The following ATP13A3 variants were observed in gnomAD, a reference collection of about 807,000 sequenced individuals.
The protein encoded by ATP13A3 is polyamine-transporting ATPase 13A3.
In ATP13A3, 59 loss-of-function variants were observed where a neutral mutation model predicts 158.1. The ratio of observed to expected loss-of-function variants is 0.37; its 90% confidence interval spans 0.30 to 0.46. The LOEUF is 0.46. Among genes scored for constraint, ATP13A3 ranks in the 20% least tolerant of loss-of-function variants. The pLI is 1.00. For missense variants in ATP13A3, 1,166 were observed against 1,525.2 expected, an observed-to-expected ratio of 0.76 and a Z score of 3.92; for synonymous variants, 491 against 504.3, an observed-to-expected ratio of 0.97 and a Z score of 0.35.
intron 2 of ATP13A3, among the ~76,000 whole-genome samples, chr3:194,467,251 A>C (rs1391921680): frequency 6.6e-6 from 1 of 152,156 alleles, no homozygotes; most frequent in African/African-American, 2.4e-5. Context: ...CATCTATAGA[A>C]GGAGTTCATT....
In ATP13A3 at chr3:194,457,099, G is replaced by T; in HGVS notation, c.555C>A (p.Ala185=). 6.2e-7 allele frequency: 1 copy of T among 1,610,922 alleles called. No individual in the cohort carries two copies. The highest frequency in any genetic ancestry group is 1.1e-5 in the South Asian group (1 of 90,676). ...TTTAGTTGGATAAAAATTACCTGTA[G>T]GCATGCATCCCCTTTGTCAGTCCTG... ...HSAGLTKGMH[A]YRKLLYGVNE... is the part of the protein sequence containing the mutation. Residue 185 remains alanine (A), a synonymous_variant, in exon 7 of 34, where the codon GCC becomes GCA. Coordinates refer to ENST00000645319, the MANE Select transcript of ATP13A3 (RefSeq NM_001367549.1).
chr3:194,454,431 T>C lies in ATP13A3; in HGVS notation c.631-39A>G, dbSNP rs531041571. On this transcript the variant is annotated intron_variant, in intron 8 of 33. Coordinates refer to ENST00000645319, the MANE Select transcript of ATP13A3 (RefSeq NM_001367549.1). ...TTTTAAAGTCAAACTGAATGAGGTA[T>C]TAATGACCATACAGATTGTCCATCT... The C allele has an allele frequency of 2.2e-5, 34 of 1,550,222 alleles. No homozygotes were observed. In the African/African-American group the frequency reaches 4.1e-4, roughly 19 times the overall value.
At chr3:194,468,946 C>T (rs796266192) in intron 2 of ATP13A3, among the ~76,000 whole-genome samples, 13 of 152,242 alleles carry the variant, frequency 8.5e-5, no homozygotes, top group African/African-American at 2.9e-4. Flanking sequence ...CCAGCGTGGT[C>T]AGCATGGTGA....
At chr3:194,412,027 A>C (rs1192480253) in intron 33 of ATP13A3, among the ~76,000 whole-genome samples, 172 bp downstream of exon 33, 1 of 152,212 alleles carries the variant, frequency 6.6e-6, no homozygotes, top group Non-Finnish European at 1.5e-5. Context: ...AGGACTTCTT[A>C]TAAGAAATGA....
rs1396814705 is a variant in ATP13A3, at chr3:194,431,038, C to T, written c.2545-16G>A. On this transcript the variant is annotated splice_polypyrimidine_tract_variant and intron_variant, in intron 23 of 33. Coordinates refer to ENST00000645319, the MANE Select transcript of ATP13A3 (RefSeq NM_001367549.1). ...GCAACATCAACTGGAAACAATAATACAAATTTTTTTAAAATACTGTTGCGA... is the reference window on the plus strand; with the variant it reads ...GCAACATCAACTGGAAACAATAATATAAATTTTTTTAAAATACTGTTGCGA... 1.2e-6 allele frequency: 2 copies of T among 1,613,230 alleles called. No individual in the cohort carries two copies. Among genetic ancestry groups the T allele is most frequent in the South Asian group, 2.2e-5 (2 of 90,990 alleles).
chr3:194,461,545 A>G (rs1485553115), intron 3 of ATP13A3, among the ~76,000 whole-genome samples: 1 of 152,222 alleles, frequency 6.6e-6, no homozygotes, highest in African/African-American at 2.4e-5. Flanking sequence ...ACTGTCTCAT[A>G]GTTTCAGGTG....
In ATP13A3 at chr3:194,494,125, G is replaced by T. The variant is rs1488877254; in HGVS notation, n.671C>A. ...CTCTTGACCACTATAACCAAATGAA[G>T]CCAGAGTGATTCACCAGAATGAGTT... is the stretch of plus-strand genomic sequence containing the variant. On this transcript the variant is annotated non_coding_transcript_exon_variant, in exon 2 of 33. Coordinates refer to the ATP13A3 transcript ENST00000687055. This position sits in a 1 kb window ranked among gnomAD's most constrained non-coding sequence, Gnocchi z 4.2. 5.0e-6 allele frequency: 2 copies of T among 398,384 alleles called. No homozygotes were observed. The highest frequency in any genetic ancestry group is 4.1e-5 in the African/African-American group (2 of 48,554). The allele number at this position is 398,384 out of a possible 1,614,324, so 24.7% of individuals were successfully genotyped here. A position where few individuals can be genotyped will look rare whatever the true frequency, so the allele number is the denominator to read the frequency against.
intron 17 of ATP13A3, among the ~76,000 whole-genome samples, chr3:194,438,289 A>C (rs1717805078): frequency 6.6e-6 from 1 of 152,244 alleles, no homozygotes; most frequent in South Asian, 2.1e-4. Flanking sequence ...AATTTCTTGG[A>C]TATGTAATAC....
Position 194,431,174 on chromosome 3 carries a change from C to T in ATP13A3, c.2474G>A (p.Arg825His), listed in dbSNP as rs755502149. ...TTTTCCATTCATTGCAAAATGATAA[C>T]GAGTCATTTGAAGATCCTCTAAGCT... is the stretch of plus-strand genomic sequence containing the variant. ...HDSLEDLQMT[R>H]YHFAMNGKSF... The change falls in exon 23 of 34, where the codon CGT becomes CAT. Residue 825 changes from arginine (R) to histidine (H), a missense_variant. Coordinates refer to ENST00000645319, the MANE Select transcript of ATP13A3 (RefSeq NM_001367549.1). The T allele has an allele frequency of 5.0e-6, 8 of 1,613,164 alleles. No individual in the cohort carries two copies. The highest frequency in any genetic ancestry group is 1.1e-5 in the South Asian group (1 of 91,064).
intron 6 of ATP13A3, among the ~76,000 whole-genome samples, chr3:194,458,723 T>C (rs973220787): frequency 6.6e-6 from 1 of 152,176 alleles, no homozygotes; most frequent in African/African-American, 2.4e-5. Context: ...TAATCAGGAA[T>C]GGTTTTTAAA....
At chr3:194,433,120 A>C (rs1212798899) in intron 21 of ATP13A3, among the ~76,000 whole-genome samples, 2 of 152,174 alleles carry the variant, frequency 1.3e-5, no homozygotes, top group Non-Finnish European at 2.9e-5. Context: ...CTAGTACAGA[A>C]AACAAATCTA....
chr3:194,420,019 A>G, intron 30 of ATP13A3, 52 bp from the exon 31 acceptor site: 2 of 1,450,710 alleles, frequency 1.4e-6, no homozygotes, highest in Non-Finnish European at 9.0e-7. Context: ...TCCTTTATAT[A>G]AAAAGGCATC....
chr3:194,431,221 A>G lies in ATP13A3; in HGVS notation c.2427T>C (p.Ile809=). ...AGCTATCATGGACCAATTTAACCGG[A>G]ATAGCCTGTGTATATGAGACATTGG... ...SHPSAIDPEA[I]PVKLVHDSLE... The change falls in exon 23 of 34, where the codon ATT becomes ATC. Residue 809 remains isoleucine (I), a synonymous_variant. Transcript: ENST00000645319. The G allele has an allele frequency of 6.2e-7, 1 of 1,611,572 alleles. No individual in the cohort carries two copies. The highest frequency in any genetic ancestry group is 1.1e-5 in the South Asian group (1 of 90,944).
At chr3:194,481,624 GA>G (rs1168059561) in intron 2 of ATP13A3, among the ~76,000 whole-genome samples, 3 of 150,118 alleles carry the variant, frequency 2.0e-5, no homozygotes, top group African/African-American at 2.4e-5. Flanking sequence ...ACTCCTTTGT[GA>G]AAAAAAAATA....
At chr3:194,449,364 A>T (rs1189771513) in intron 11 of ATP13A3, among the ~76,000 whole-genome samples, 4 of 137,836 alleles carry the variant, frequency 2.9e-5, no homozygotes, top group Non-Finnish European at 6.1e-5. Context: ...TAGGACAATT[A>T]AAAAAAAAAT....
intron 21 of ATP13A3, 26 bp downstream of exon 21, chr3:194,433,746 T>A (rs781228247): frequency 1.2e-6 from 2 of 1,612,748 alleles, no homozygotes; most frequent in East Asian, 2.2e-5. Context: ...CTCCATTTGC[T>A]TCTGTGTTCT....
In ATP13A3 at chr3:194,431,755, G is replaced by C; in HGVS notation, c.2383C>G (p.Leu795Val). 6.2e-7 allele frequency: 1 copy of C among 1,611,034 alleles called. No individual in the cohort carries two copies. The highest frequency in any genetic ancestry group is 1.1e-5 in the South Asian group (1 of 90,490). The change falls in exon 22 of 34, where the codon CTC (leucine) becomes GTC (valine). Residue 795 changes from leucine (L) to valine (V), a missense_variant. Coordinates refer to ENST00000645319, the MANE Select transcript of ATP13A3 (RefSeq NM_001367549.1). ...GCTGATGGATGACTGCACTGCGTGA[G>C]GGAGTCTGCATAATGCCAATTTATT... ...AKINWHYADS[L>V]TQCSHPSAID...
At chr3:194,411,114 A>G (rs886147006) in intron 33 of ATP13A3, among the ~76,000 whole-genome samples, 5 of 152,116 alleles carry the variant, frequency 3.3e-5, no homozygotes, top group African/African-American at 7.2e-5. Flanking sequence ...TTCACCATAA[A>G]GCATTAGAAA....
intron 21 of ATP13A3, among the ~76,000 whole-genome samples, chr3:194,433,275 C>A (rs1429800682): frequency 7.9e-6 from 1 of 126,984 alleles, no homozygotes; most frequent in Admixed American, 9.7e-5. Context: ...CTCGCTCTGT[C>A]GCCCAGGCCG....
Sources: gnomAD v4.1 joint callset for allele counts (sites outside exome capture counted in the v4.1 genomes callset) on GRCh38, gnomAD v4.1.1 for gene constraint, Gnocchi (gnomAD v3.1) non-coding constraint, MANE v1.5 for transcripts, NCBI Gene and HGNC (gene_info 2026-07-23, HGNC 2026-07-21) for gene names.